The following IFT74 variants were observed in gnomAD, a reference collection of about 807,000 sequenced individuals.
IFT74 encodes the protein intraflagellar transport 74.
Under a neutral mutation model 96.7 loss-of-function variants are expected in IFT74, and 92 were observed. That is an observed-to-expected ratio of 0.95 (90% confidence interval 0.80 to 1.13). The LOEUF is 1.13. Ranked by LOEUF, IFT74 falls within the 50% of genes most tolerant of loss-of-function variation. IFT74 has a pLI of 0.00. For synonymous variants in IFT74, 223 were observed against 213.2 expected (o/e 1.05, Z -0.40); for missense variants, 811 against 698.2 (o/e 1.16, Z -1.82).
chr9:26,979,833 C>T (rs1827290778), intron 3 of IFT74, among the ~76,000 whole-genome samples: 1 of 150,864 alleles, frequency 6.6e-6, no homozygotes, highest in Admixed American at 6.6e-5. Flanking sequence ...CTGCCTCAGC[C>T]TCCTGAGTAG....
chr9:26,954,971 C>G (rs1826034421), upstream of IFT74, among the ~76,000 whole-genome samples: 1 of 151,934 alleles, frequency 6.6e-6, no homozygotes, highest in Non-Finnish European at 1.5e-5. Context: ...ATTCCTTTTT[C>G]ATCATGAAAA....
At chr9:26,996,977 G>A (rs1383350041) in intron 8 of IFT74, among the ~76,000 whole-genome samples, 1 of 152,042 alleles carries the variant, frequency 6.6e-6, no homozygotes, top group African/African-American at 2.4e-5. Flanking sequence ...TTGGGAGGCC[G>A]AGGCGGGTGG....
At chr9:27,036,276 C>A (rs1819176449) in intron 13 of IFT74, among the ~76,000 whole-genome samples, 1 of 152,150 alleles carries the variant, frequency 6.6e-6, no homozygotes, top group South Asian at 2.1e-4. Context: ...CCACCAAGTT[C>A]AAACCTCTGT....
intron 9 of IFT74, among the ~76,000 whole-genome samples, chr9:27,011,196 G>A (rs1829049704): frequency 6.6e-6 from 1 of 152,146 alleles, no homozygotes; most frequent in Admixed American, 6.5e-5. Flanking sequence ...AGGTTGCAGT[G>A]AGCCGAGATC....
At chr9:27,051,525 G>C (rs1296720418) in intron 16 of IFT74, among the ~76,000 whole-genome samples, 1 of 152,152 alleles carries the variant, frequency 6.6e-6, no homozygotes, top group Admixed American at 6.6e-5. Context: ...CGAATCTCTA[G>C]AACTTTTTCA....
chr9:26,972,672 T>C (rs1826929785), intron 2 of IFT74, among the ~76,000 whole-genome samples: 1 of 152,190 alleles, frequency 6.6e-6, no homozygotes, highest in Non-Finnish European at 1.5e-5. Flanking sequence ...AGTCAATCCA[T>C]ACACAGCAAT....
upstream of IFT74, among the ~76,000 whole-genome samples, chr9:26,951,724 C>T (rs1251263963): frequency 6.6e-6 from 1 of 152,138 alleles, no homozygotes; most frequent in Non-Finnish European, 1.5e-5. Flanking sequence ...CACAGTGAAA[C>T]CCCGTCTCTA....
intron 2 of IFT74, among the ~76,000 whole-genome samples, chr9:26,977,294 G>C (rs2131522872): frequency 6.6e-6 from 1 of 151,752 alleles, no homozygotes; most frequent in East Asian, 1.9e-4. Context: ...GCCTTTTTTT[G>C]TTTTAAAAAA....
intron 10 of IFT74, among the ~76,000 whole-genome samples, chr9:27,016,076 C>A (rs1829329221): frequency 6.6e-6 from 1 of 152,136 alleles, no homozygotes. Context: ...TAGAATATCA[C>A]AAACTGGGTG....
At chr9:27,037,084 G>C (rs1238590147) in intron 13 of IFT74, among the ~76,000 whole-genome samples, 1 of 152,072 alleles carries the variant, frequency 6.6e-6, no homozygotes, top group African/African-American at 2.4e-5. Context: ...GCCGGTAGTG[G>C]TGGTGGGCAC....
At chr9:27,027,029 A>G (rs550527725) in intron 12 of IFT74, among the ~76,000 whole-genome samples, 1 of 152,294 alleles carries the variant, frequency 6.6e-6, no homozygotes, top group Non-Finnish European at 1.5e-5. Flanking sequence ...ATGAAGCAAA[A>G]AGCTGGTTCT....
intron 12 of IFT74, among the ~76,000 whole-genome samples, chr9:27,027,760 A>C (rs1174816519): frequency 6.6e-6 from 1 of 152,028 alleles, no homozygotes; most frequent in African/African-American, 2.4e-5. Context: ...GAATTCTATG[A>C]ATTATCTTTT....
chr9:26,998,029 A>G, intron 8 of IFT74: 1 of 1,613,812 alleles, frequency 6.2e-7, no homozygotes, highest in East Asian at 2.2e-5. Flanking sequence ...AAATTTCTAG[A>G]CTGGAGAGGT....
intron 1 of IFT74, among the ~76,000 whole-genome samples, chr9:26,961,119 C>T (rs1368737502): frequency 7.3e-6 from 1 of 136,820 alleles, no homozygotes; most frequent in Non-Finnish European, 1.5e-5. Context: ...GGGATGGAGT[C>T]TCGCTGTGTC....
chr9:26,964,376 A>G (rs1419043284), intron 2 of IFT74, among the ~76,000 whole-genome samples: 4 of 150,022 alleles, frequency 2.7e-5, no homozygotes, highest in African/African-American at 7.4e-5. Flanking sequence ...GCCTTGTAGT[A>G]TAGTTTGAAG....
intron 1 of IFT74, among the ~76,000 whole-genome samples, chr9:26,959,947 G>C (rs1826281630): frequency 6.6e-6 from 1 of 152,168 alleles, no homozygotes; most frequent in South Asian, 2.1e-4. Context: ...ATGTAGAGAA[G>C]GGTTTCTGAT....
chr9:26,997,783 G>A lies in IFT74; in HGVS notation c.587+7588G>A. The A allele has an allele frequency of 1.9e-6, 3 of 1,613,582 alleles. No individual in the cohort carries two copies. In the East Asian group the frequency reaches 6.7e-5, roughly 36 times the overall value. ...TCTGCAAATTAAATAGACTGCAAGA[G>A]CAGTTCCATAGGTTTCCATATAAAG... On this transcript the variant is annotated intron_variant, in intron 8 of 19. Coordinates refer to ENST00000380062, the MANE Select transcript of IFT74 (RefSeq NM_025103.4).
chr9:26,999,777 T>A, intron 8 of IFT74: 1 of 896,164 alleles, frequency 1.1e-6, no homozygotes, highest in Non-Finnish European at 1.6e-6. Flanking sequence ...ATTCTTTTTT[T>A]TTTTTTTTTT....
At chr9:27,006,135 C>T (rs964154844) in intron 8 of IFT74, among the ~76,000 whole-genome samples, 2 of 152,168 alleles carry the variant, frequency 1.3e-5, no homozygotes, top group African/African-American at 4.8e-5. Context: ...TGAGCCACTG[C>T]ACCCAGCCTA....
Sources: allele counts gnomAD v4.1 joint callset (sites outside exome capture counted in the v4.1 genomes callset), GRCh38; gene constraint gnomAD v4.1.1; transcripts MANE v1.5; gene names NCBI Gene and HGNC (gene_info 2026-07-23, HGNC 2026-07-21).